Variants in HCN1 observed in about 807,000 individuals in gnomAD.
The protein encoded by HCN1 is potassium/sodium hyperpolarization-activated cyclic nucleotide-gated channel 1.
A neutral mutation model predicts 78.9 loss-of-function variants in HCN1; 13 were observed. The observed-to-expected ratio is 0.16, with a 90% CI of 0.11 to 0.26. The LOEUF is 0.26. HCN1 is among the 10% of genes least tolerant of loss of function. The pLI is 1.00. For missense variants in HCN1, 810 were observed against 1,154.3 expected, an observed-to-expected ratio of 0.70 and a Z score of 4.32; for synonymous variants, 552 against 455.5, an observed-to-expected ratio of 1.21 and a Z score of -2.70.
At chr5:45,582,459 T>C (rs1744102343) in intron 2 of HCN1, among the ~76,000 whole-genome samples, 2 of 152,174 alleles carry the variant, frequency 1.3e-5, no homozygotes, top group Non-Finnish European at 2.9e-5. Flanking sequence ...AATCATGTCA[T>C]CTGCAAACAG....
chr5:45,336,984 TG>T (rs1746470340), intron 5 of HCN1, among the ~76,000 whole-genome samples: 2 of 151,960 alleles, frequency 1.3e-5, no homozygotes, highest in South Asian at 4.1e-4. Flanking sequence ...ACATATGAAC[TG>T]GGGGCAGAGG....
chr5:45,692,157 G>A (rs1288492813), intron 1 of HCN1, among the ~76,000 whole-genome samples: 1 of 152,076 alleles, frequency 6.6e-6, no homozygotes, highest in Non-Finnish European at 1.5e-5. Flanking sequence ...AAGATAAATT[G>A]CTTGCATAAT....
At chr5:45,373,509 C>T (rs910281443) in intron 4 of HCN1, among the ~76,000 whole-genome samples, 9 of 139,446 alleles carry the variant, frequency 6.5e-5, no homozygotes, top group African/African-American at 2.4e-4. Flanking sequence ...TTATATACAT[C>T]ATCTATAATA....
intron 2 of HCN1, among the ~76,000 whole-genome samples, chr5:45,571,298 T>G (rs966020176): frequency 3.3e-5 from 5 of 152,178 alleles, no homozygotes; most frequent in African/African-American, 7.2e-5. Flanking sequence ...GGTGTAAAAT[T>G]GGGTATGTAG....
At chr5:45,579,269 A>C (rs1744009405) in intron 2 of HCN1, among the ~76,000 whole-genome samples, 1 of 151,994 alleles carries the variant, frequency 6.6e-6, no homozygotes, top group African/African-American at 2.4e-5. Context: ...TTAATAGCTG[A>C]CTCAGATCAG....
At position 45,695,778 on chromosome 5, in the gene HCN1, C is replaced by A; in HGVS notation, c.316G>T (p.Val106Phe). ...AACATGCGGAGGGAGAATTTGTTGA[C>A]CCCGGGCTGCAGCATGGAGGTGAAC... ...RQFTSMLQPG[V>F]NKFSLRMFGS... Residue 106 changes from valine to phenylalanine, a missense_variant, in exon 1 of 8, where the codon GTC becomes TTC. Transcript: ENST00000303230. The A allele has an allele frequency of 6.2e-7, 1 of 1,611,896 alleles. No individual in the cohort carries two copies. The highest frequency in any genetic ancestry group is 8.5e-7 in the Non-Finnish European group (1 of 1,179,632).
intron 4 of HCN1, among the ~76,000 whole-genome samples, chr5:45,386,930 T>C (rs1218297557): frequency 6.6e-6 from 1 of 152,116 alleles, no homozygotes; most frequent in Non-Finnish European, 1.5e-5. Flanking sequence ...TCATTAATTC[T>C]AGTAATAACT....
At chr5:45,553,503 C>G (rs1312113454) in intron 2 of HCN1, among the ~76,000 whole-genome samples, 1 of 151,862 alleles carries the variant, frequency 6.6e-6, no homozygotes, top group Admixed American at 6.6e-5. Context: ...TCTTCCTTCC[C>G]TTACAAAATA....
chr5:45,655,022 T>C (rs1272053987), intron 1 of HCN1, among the ~76,000 whole-genome samples: 2 of 152,174 alleles, frequency 1.3e-5, no homozygotes, highest in Non-Finnish European at 2.9e-5. Context: ...ATACATAAGA[T>C]GCCAATGCCA....
chr5:45,626,993 G>A (rs1228639344), intron 2 of HCN1, among the ~76,000 whole-genome samples: 2 of 149,592 alleles, frequency 1.3e-5, no homozygotes, highest in African/African-American at 4.9e-5. Context: ...TATATAACAT[G>A]TATATATATA....
chr5:45,443,876 G>A lies in HCN1; in HGVS notation c.1011+17970C>T, dbSNP rs150134526. Among the ~76,000 whole-genome samples, 57 of 151,950 alleles carry A rather than the reference G, an allele frequency of 3.8e-4. 1 individual carries two copies. In the East Asian group the frequency reaches 6.0e-3, roughly 16 times the overall value. ...AGAATCAATATTTATAAAACAAAACGTCTATGGTTTATGAAAGAAAAGCCA... is the reference window on the plus strand; with the variant it reads ...AGAATCAATATTTATAAAACAAAACATCTATGGTTTATGAAAGAAAAGCCA... On this transcript the variant is annotated intron_variant, in intron 3 of 7. Coordinates refer to ENST00000303230, the MANE Select transcript of HCN1 (RefSeq NM_021072.4).
chr5:45,280,439 G>T (rs563069365), intron 6 of HCN1, among the ~76,000 whole-genome samples: 2 of 152,272 alleles, frequency 1.3e-5, no homozygotes, highest in South Asian at 4.1e-4. Flanking sequence ...CTAGACTAGG[G>T]TTTCTCAACC....
intron 2 of HCN1, among the ~76,000 whole-genome samples, chr5:45,491,088 T>C (rs561875817): frequency 6.6e-6 from 1 of 152,242 alleles, no homozygotes; most frequent in African/African-American, 2.4e-5. Flanking sequence ...GGCTTCTGCC[T>C]CCTCCATTTA....
In HCN1 at chr5:45,257,696, T is replaced by G. The variant is rs1405815664; in HGVS notation, c.*4225A>C. ...AATTGAAATTGCTTAAGAAAGTCATTGCTTTTGAGGGGTAATAGCAGGTGT... is the reference window on the plus strand; with the variant it reads ...AATTGAAATTGCTTAAGAAAGTCATGGCTTTTGAGGGGTAATAGCAGGTGT... On this transcript the variant is annotated 3_prime_UTR_variant, in exon 8 of 8. Transcript: ENST00000303230. 2.6e-5 allele frequency: 4 copies of G among 152,302 alleles called. No homozygotes were observed. In the East Asian group the frequency reaches 7.7e-4, roughly 29 times the overall value. 9.4% of individuals were successfully genotyped at this position (152,302 alleles called of 1,614,324 possible).
At chr5:45,529,436 T>C (rs755868956) in intron 2 of HCN1, among the ~76,000 whole-genome samples, 8 of 152,072 alleles carry the variant, frequency 5.3e-5, no homozygotes, top group African/African-American at 1.9e-4. Flanking sequence ...TTTATTCTAA[T>C]AGTGATTCTG....
intron 7 of HCN1, 124 bp from the exon 8 acceptor site, chr5:45,262,934 T>TCAC: frequency 1.0e-6 from 1 of 994,444 alleles, no homozygotes; most frequent in South Asian, 1.4e-5. Flanking sequence ...AAAAAGCCAG[T>TCAC]CACTCACCTT....
At chr5:45,642,481 G>A (rs953951524) in intron 2 of HCN1, 5 of 151,918 alleles carry the variant, frequency 3.3e-5, no homozygotes, top group African/African-American at 1.2e-4. Context: ...TGTTGAAGAT[G>A]GAAGCAGCTT....
rs1338880973 is a variant in HCN1, at chr5:45,674,055, AT to A, written c.425+21613del. ...GGCATTAAGTGAAAACCTTTTAGTT[AT>A]TATACTCAGCTTTCCATGGGATAGT... On this transcript the variant is annotated intron_variant, in intron 1 of 7. Transcript: ENST00000303230. Among the ~76,000 whole-genome samples the A allele has an allele frequency of 2.6e-5, 4 of 151,630 alleles. No homozygotes were observed. The East Asian group carries it at 7.8e-4, about 29-fold the overall frequency.
chr5:45,447,269 C>T lies in HCN1; in HGVS notation c.1011+14577G>A, dbSNP rs556972694. The stretch of plus-strand genomic sequence containing the variant: ...TTTTTTTTCTTTTTGAGACCAGGTG[C>T]GGCTCTGTCACTTAGGGTGAAATGA... On this transcript the variant is annotated intron_variant, in intron 3 of 7. Transcript: ENST00000303230. Among the ~76,000 whole-genome samples the T allele has an allele frequency of 7.0e-4, 106 of 152,168 alleles. 1 individual carries two copies. The highest frequency in any genetic ancestry group is 2.3e-3 in the African/African-American group (94 of 41,498).
Sources: allele counts gnomAD v4.1 joint callset (sites outside exome capture counted in the v4.1 genomes callset), GRCh38; gene constraint gnomAD v4.1.1; transcripts MANE v1.5; gene names NCBI Gene and HGNC (gene_info 2026-07-23, HGNC 2026-07-21).